Variants in B4GALT1 observed in about 807,000 individuals in gnomAD.
B4GALT1 encodes the protein beta-1,4-galactosyltransferase 1, also known as N-acetyllactosamine synthase.
Under a neutral mutation model 34.9 loss-of-function variants are expected in B4GALT1, and 16 were observed. The observed-to-expected ratio is 0.46, with a 90% CI of 0.31 to 0.70. The LOEUF is 0.70. B4GALT1 is among the 30% of genes least tolerant of loss of function. The probability of loss-of-function intolerance (pLI) is 0.05; values close to 1 mark genes in which losing one functional copy is unlikely to be tolerated. For missense variants in B4GALT1, 445 were observed against 530.5 expected, an observed-to-expected ratio of 0.84 and a Z score of 1.58; for synonymous variants, 221 against 218.1, an observed-to-expected ratio of 1.01 and a Z score of -0.12.
At chr9:33,161,485 A>G (rs1031860214) in intron 1 of B4GALT1, among the ~76,000 whole-genome samples, 2 of 152,134 alleles carry the variant, frequency 1.3e-5, no homozygotes, top group Admixed American at 1.3e-4. Context: ...GGTCTCTACA[A>G]TCTTAATCGC....
chr9:33,125,071 T>C (rs571783949), intron 2 of B4GALT1, among the ~76,000 whole-genome samples: 3 of 152,266 alleles, frequency 2.0e-5, no homozygotes, highest in African/African-American at 7.2e-5. Context: ...TGGCTGCTTT[T>C]AGAAGGAGAA....
At chr9:33,136,040 G>A (rs1359519876) in intron 1 of B4GALT1, among the ~76,000 whole-genome samples, 1 of 151,898 alleles carries the variant, frequency 6.6e-6, no homozygotes, top group Non-Finnish European at 1.5e-5. Context: ...CTCGATGGAA[G>A]GTGAACCAAG....
downstream of B4GALT1, among the ~76,000 whole-genome samples, chr9:33,105,880 GTTTTTTTTT>G (rs35330697): frequency 1.0e-4 from 9 of 85,732 alleles, no homozygotes; most frequent in South Asian, 4.7e-4. Context: ...GGACTCGTGG[GTTTTTTTTT>G]TTTTTTTTTT....
intron 1 of B4GALT1, among the ~76,000 whole-genome samples, chr9:33,140,478 AT>A (rs34047756): frequency 0.47 from 66,607 of 142,136 alleles, 16,312 homozygotes; most frequent in South Asian, 0.64. Context: ...TGCTGGACTG[AT>A]TTTTAAAATT....
Position 33,135,890 on chromosome 9 carries a change from A to AGAGTGTGT in B4GALT1, c.413-467_413-466insACACACTC, listed in dbSNP as rs1554686806. Among the ~76,000 whole-genome samples the AGAGTGTGT allele has an allele frequency of 7.1e-3, 737 of 104,128 alleles. 8 individuals carry two copies. Among genetic ancestry groups the AGAGTGTGT allele is most frequent in the African/African-American group, 0.012 (360 of 30,132 alleles). 68.3% of individuals were successfully genotyped at this position (104,128 alleles called of 152,430 possible). On this transcript the variant is annotated intron_variant, in intron 1 of 5. Coordinates refer to ENST00000379731, the MANE Select transcript of B4GALT1 (RefSeq NM_001497.4). ...TCTCTGATTCTAGCCTAACTGGGGA[A>AGAGTGTGT]GTGTGTGTGTGTGTGTGTGTATGTG...
chr9:33,141,052 G>A (rs1206493535), intron 1 of B4GALT1, among the ~76,000 whole-genome samples: 2 of 152,182 alleles, frequency 1.3e-5, no homozygotes, highest in Admixed American at 6.5e-5. Flanking sequence ...GACCACTCAA[G>A]GTTGGTTCTT....
chr9:33,183,713 C>T, the B4GALT1 span, among the ~76,000 whole-genome samples: 3 of 150,098 alleles, frequency 2.0e-5, no homozygotes, highest in Non-Finnish European at 3.0e-5. Flanking sequence ...AGCGCACCAG[C>T]GTGGCACATG....
the B4GALT1 span, among the ~76,000 whole-genome samples, chr9:33,176,928 A>G: frequency 2.6e-5 from 4 of 152,294 alleles, no homozygotes; most frequent in East Asian, 7.7e-4. Flanking sequence ...CATTTGAGAA[A>G]CGGCAACAAA....
intron 1 of B4GALT1, among the ~76,000 whole-genome samples, chr9:33,137,085 C>G (rs1840283058): frequency 6.6e-6 from 1 of 152,192 alleles, no homozygotes; most frequent in South Asian, 2.1e-4. Context: ...TTGTTTTCTT[C>G]TGAGATACAG....
At chr9:33,114,747 C>A (rs192714898) in intron 4 of B4GALT1, among the ~76,000 whole-genome samples, 2 of 152,324 alleles carry the variant, frequency 1.3e-5, no homozygotes, top group East Asian at 3.9e-4. Flanking sequence ...GCAGAACTGG[C>A]TGATCCCAGA....
chr9:33,127,023 G>A (rs35559504), intron 2 of B4GALT1, among the ~76,000 whole-genome samples: 16,648 of 152,044 alleles, frequency 0.11, 1,006 homozygotes, highest in African/African-American at 0.15. Flanking sequence ...GTGCAGTGGC[G>A]CGATCTCGGC....
intron 1 of B4GALT1, among the ~76,000 whole-genome samples, chr9:33,151,785 G>A (rs778707099): frequency 6.6e-6 from 1 of 152,154 alleles, no homozygotes; most frequent in African/African-American, 2.4e-5. Context: ...TAGATTTGGA[G>A]GAAAACTCTG....
At position 33,166,821 on chromosome 9, in the gene B4GALT1, C is replaced by G. The variant is rs748530535; in HGVS notation, c.349G>C (p.Val117Leu). The G allele has an allele frequency of 6.5e-7, 1 of 1,548,974 alleles. No homozygotes were observed. ...GPGPASNLTS[V>L]PVPHTTALSL... is the part of the protein sequence containing the mutation. Reference sequence around the variant, plus strand: ...AGTGCGGTGGTGTGGGGCACTGGGACCGAGGTCAAGTTGCTAGCGGGGCCA... The same window carrying G: ...AGTGCGGTGGTGTGGGGCACTGGGAGCGAGGTCAAGTTGCTAGCGGGGCCA... Residue 117 changes from valine to leucine, a missense_variant, in exon 1 of 6, where the codon GTC (valine) becomes CTC (leucine). Physicochemically the swap from Val to Leu is conservative, Grantham distance 32. Around this residue, in one of 3 missense-constraint regions of B4GALT1, gnomAD observed 349 missense variants for 395.5 expected, o/e 0.88. Coordinates refer to ENST00000379731, the MANE Select transcript of B4GALT1 (RefSeq NM_001497.4).
At chr9:33,114,784 G>A (rs1222466911) in intron 4 of B4GALT1, among the ~76,000 whole-genome samples, 1 of 152,208 alleles carries the variant, frequency 6.6e-6, no homozygotes, top group East Asian at 1.9e-4. Context: ...GGCCTTGCCT[G>A]GCACACAGTA....
chr9:33,142,430 C>T (rs1381146325), intron 1 of B4GALT1, among the ~76,000 whole-genome samples: 1 of 152,074 alleles, frequency 6.6e-6, no homozygotes, highest in Non-Finnish European at 1.5e-5. Context: ...AAGTATCTTC[C>T]AAAATAAGGA....
chr9:33,158,394 G>A (rs950490310), intron 1 of B4GALT1, among the ~76,000 whole-genome samples: 1 of 152,078 alleles, frequency 6.6e-6, no homozygotes, highest in Non-Finnish European at 1.5e-5. Context: ...TGATCCCTCA[G>A]TCCAGCTACC....
intron 1 of B4GALT1, among the ~76,000 whole-genome samples, chr9:33,141,794 G>A (rs558400252): frequency 2.0e-5 from 3 of 152,112 alleles, no homozygotes; most frequent in African/African-American, 2.4e-5. Context: ...TGGGTGGCGC[G>A]CAGCTATCCT....
At position 33,114,221 on chromosome 9, in the gene B4GALT1, G is replaced by C. The variant is rs927182920; in HGVS notation, c.960-343C>G. Among the ~76,000 whole-genome samples, 3 of 152,254 alleles carry C rather than the reference G, an allele frequency of 2.0e-5. No individual in the cohort carries two copies. In the East Asian group the frequency reaches 5.8e-4, roughly 29 times the overall value. On this transcript the variant is annotated intron_variant, in intron 4 of 5. Transcript: ENST00000379731. ...AGGAAGATGAGGTTGGAGACACAGA[G>C]GAAGAAGCATAGAGTTTGTAACCTC... is the stretch of plus-strand genomic sequence containing the variant.
In B4GALT1 at chr9:33,167,320, C is replaced by T. The variant is rs1006142075; in HGVS notation, c.-151G>A. On this transcript the variant is annotated 5_prime_UTR_variant, in exon 1 of 6. Coordinates refer to ENST00000379731, the MANE Select transcript of B4GALT1 (RefSeq NM_001497.4). ...GGCTGAGAGCTGAGACTCCTCCAGC[C>T]AGCCAGACCTGGGAGCGGCGAGAAG... The T allele has an allele frequency of 1.2e-5, 12 of 1,041,800 alleles. No homozygotes were observed. The East Asian group carries it at 1.3e-4, about 11-fold the overall frequency. The allele number at this position is 1,041,800 out of a possible 1,614,324, so 64.5% of individuals were successfully genotyped here.
Sources: allele counts gnomAD v4.1 joint callset (sites outside exome capture counted in the v4.1 genomes callset), GRCh38; gene constraint gnomAD v4.1.1; regional missense constraint gnomAD v4.1.1; transcripts MANE v1.5; gene names NCBI Gene and HGNC (gene_info 2026-07-23, HGNC 2026-07-21).